The following OR2L13 variants were observed in gnomAD, a reference collection of about 807,000 sequenced individuals.
The protein encoded by OR2L13 is olfactory receptor 2L13.
In OR2L13, 14 loss-of-function variants were observed where a neutral mutation model predicts 15.3. The observed-to-expected ratio is 0.91, with a 90% CI of 0.60 to 1.43. OR2L13 has a LOEUF of 1.43. Ranked by LOEUF, OR2L13 falls within the 40% of genes most tolerant of loss-of-function variation. The probability of loss-of-function intolerance (pLI) is 0.00; values close to 1 mark genes in which losing one functional copy is unlikely to be tolerated. For synonymous variants in OR2L13, 152 were observed against 142.9 expected (o/e 1.06, Z -0.45); for missense variants, 367 against 387.9 (o/e 0.95, Z 0.45).
the OR2L13 span, among the ~76,000 whole-genome samples, chr1:248,002,130 C>T: frequency 6.6e-6 from 1 of 151,522 alleles, no homozygotes; most frequent in East Asian, 1.9e-4. Context: ...TTTTTAATTA[C>T]CAATGTCATA....
At chr1:247,942,071 A>G in the OR2L13 span, among the ~76,000 whole-genome samples, 3 of 152,156 alleles carry the variant, frequency 2.0e-5, no homozygotes, top group Admixed American at 6.5e-5. Context: ...GATCTCACTT[A>G]CATATTGGGC....
At chr1:247,976,966 C>T in the OR2L13 span, among the ~76,000 whole-genome samples, 1 of 152,240 alleles carries the variant, frequency 6.6e-6, no homozygotes, top group South Asian at 2.1e-4. Context: ...GGGTACACAT[C>T]AGGTATCATC....
At chr1:247,993,147 G>GT in the OR2L13 span, among the ~76,000 whole-genome samples, 2 of 151,888 alleles carry the variant, frequency 1.3e-5, no homozygotes, top group Admixed American at 6.6e-5. Flanking sequence ...AATTTTTCTT[G>GT]TTTTTTGGCC....
At chr1:247,991,222 T>TA in the OR2L13 span, 1 of 1,507,618 alleles carries the variant, frequency 6.6e-7, no homozygotes, top group Non-Finnish European at 9.1e-7. Context: ...CGTTCTGCCT[T>TA]AGAGTCAAAG....
At chr1:247,993,762 G>GAGAGAGAGAGAGAGAAAGAGAGAGAGAGA in the OR2L13 span, among the ~76,000 whole-genome samples, 1 of 53,636 alleles carries the variant, frequency 1.9e-5, no homozygotes, top group Non-Finnish European at 3.4e-5. Context: ...AGAGAGAGGG[G>GAGAGAGAGAGAGAGAAAGAGAGAGAGAGA]GAGAGAGAGA....
chr1:248,070,278 T>G, the OR2L13 span, among the ~76,000 whole-genome samples: 91 of 152,170 alleles, frequency 6.0e-4, no homozygotes, highest in African/African-American at 2.0e-3. Context: ...AAACTGTCTC[T>G]CAGACCACAG....
At chr1:248,089,990 T>A in the OR2L13 span, among the ~76,000 whole-genome samples, 1 of 152,200 alleles carries the variant, frequency 6.6e-6, no homozygotes, top group Non-Finnish European at 1.5e-5. Flanking sequence ...ATGTATAACC[T>A]CCATATATTG....
the OR2L13 span, among the ~76,000 whole-genome samples, chr1:248,070,341 A>G: frequency 6.6e-6 from 1 of 152,064 alleles, no homozygotes; most frequent in Non-Finnish European, 1.5e-5. Context: ...CCACTCAACT[A>G]CATGGAAACT....
At chr1:247,983,958 G>T in the OR2L13 span, among the ~76,000 whole-genome samples, 6 of 152,110 alleles carry the variant, frequency 3.9e-5, no homozygotes, top group Non-Finnish European at 7.4e-5. Context: ...GGAGATGGGG[G>T]GTCCAGTGAT....
the OR2L13 span, among the ~76,000 whole-genome samples, chr1:248,067,841 A>G: frequency 6.6e-6 from 1 of 152,158 alleles, no homozygotes; most frequent in Non-Finnish European, 1.5e-5. Context: ...CCAGGAGGTT[A>G]TATCCCACAC....
chr1:248,023,550 T>C, the OR2L13 span: 1 of 152,212 alleles, frequency 6.6e-6, no homozygotes, highest in Non-Finnish European at 1.5e-5. Context: ...GTTTGTCTCC[T>C]GAGTAGCCAC....
the OR2L13 span, chr1:247,937,384 G>C: frequency 6.4e-6 from 1 of 155,808 alleles, no homozygotes. Flanking sequence ...TCCAGACCGA[G>C]GTATCAGACG....
the OR2L13 span, among the ~76,000 whole-genome samples, chr1:248,028,325 T>A: frequency 2.6e-5 from 4 of 152,216 alleles, no homozygotes; most frequent in Middle Eastern, 3.4e-3. Flanking sequence ...CCTGTGGCCC[T>A]GTAACAATCC....
At chr1:248,096,689 A>G (rs1558222349), upstream of OR2L13, among the ~76,000 whole-genome samples, 1 of 152,302 alleles carries the variant, frequency 6.6e-6, no homozygotes, top group South Asian at 2.1e-4. Flanking sequence ...ATTGTTTAAA[A>G]GAGTTTTAAG....
At chr1:247,994,266 G>C in the OR2L13 span, among the ~76,000 whole-genome samples, 1 of 152,080 alleles carries the variant, frequency 6.6e-6, no homozygotes, top group African/African-American at 2.4e-5. Flanking sequence ...GCGTGGTGGC[G>C]GGCGCCTGTA....
the OR2L13 span, chr1:247,990,876 C>T: frequency 6.6e-7 from 1 of 1,511,254 alleles, no homozygotes; most frequent in African/African-American, 1.4e-5. Context: ...TGAGCACCAC[C>T]ATTTTTCTTG....
chr1:247,941,932 A>G, the OR2L13 span, among the ~76,000 whole-genome samples: 1 of 152,196 alleles, frequency 6.6e-6, no homozygotes, highest in Non-Finnish European at 1.5e-5. Context: ...TGGTCTCACA[A>G]GCTGGTAAAT....
At chr1:248,015,294 C>T in the OR2L13 span, among the ~76,000 whole-genome samples, 2 of 152,106 alleles carry the variant, frequency 1.3e-5, no homozygotes, top group Non-Finnish European at 2.9e-5. Context: ...TGTGGAGGAA[C>T]TTGAAGGAAG....
chr1:248,058,351 C>T, the OR2L13 span, among the ~76,000 whole-genome samples: 2 of 152,106 alleles, frequency 1.3e-5, no homozygotes, highest in Non-Finnish European at 2.9e-5. Flanking sequence ...ATGATACAGA[C>T]CCCCATGGAT....
Sources: gnomAD v4.1 joint callset for allele counts (sites outside exome capture counted in the v4.1 genomes callset) on GRCh38, gnomAD v4.1.1 for gene constraint, MANE v1.5 for transcripts, NCBI Gene and HGNC (gene_info 2026-07-23, HGNC 2026-07-21) for gene names.